The following PTPRT variants were observed in gnomAD, a reference collection of about 807,000 sequenced individuals.
The protein encoded by PTPRT is protein tyrosine phosphatase receptor type T.
In PTPRT, 56 loss-of-function variants were observed where a neutral mutation model predicts 176.8. The ratio of observed to expected loss-of-function variants is 0.32; its 90% confidence interval spans 0.26 to 0.40. The LOEUF (loss-of-function observed/expected upper bound fraction) is 0.40, where lower values mean the gene tolerates loss of function less well. Among genes scored for constraint, PTPRT ranks in the 10% least tolerant of loss-of-function variants. The pLI, the probability that PTPRT is intolerant of heterozygous loss-of-function variation, is 1.00. For missense variants in PTPRT, 1,540 were observed against 1,908.2 expected (o/e 0.81, Z 3.60); for synonymous variants, 783 against 739.0 (o/e 1.06, Z -0.96).
At chr20:42,629,708 G>A (rs1350080928) in intron 7 of PTPRT, among the ~76,000 whole-genome samples, 1 of 152,176 alleles carries the variant, frequency 6.6e-6, no homozygotes, top group African/African-American at 2.4e-5. Context: ...TATGAAGGAA[G>A]CAATGACTTA....
At chr20:42,717,371 C>G (rs1478002615) in intron 6 of PTPRT, among the ~76,000 whole-genome samples, 1 of 151,812 alleles carries the variant, frequency 6.6e-6, no homozygotes, top group African/African-American at 2.4e-5. Flanking sequence ...ATGCAGACAC[C>G]TGATATATTA....
At chr20:42,563,237 C>T (rs1758237006) in intron 7 of PTPRT, among the ~76,000 whole-genome samples, 1 of 151,952 alleles carries the variant, frequency 6.6e-6, no homozygotes, top group Admixed American at 6.6e-5. Context: ...GAAAAAAATG[C>T]ATAAAGAAGT....
chr20:42,876,731 G>A (rs1023009967), intron 2 of PTPRT, among the ~76,000 whole-genome samples: 5 of 152,142 alleles, frequency 3.3e-5, no homozygotes, highest in Non-Finnish European at 7.3e-5. Flanking sequence ...CAATAATTCA[G>A]TTATTTTTAA....
intron 9 of PTPRT, among the ~76,000 whole-genome samples, chr20:42,422,110 G>T (rs1208461604): frequency 6.6e-6 from 1 of 152,096 alleles, no homozygotes; most frequent in Non-Finnish European, 1.5e-5. Context: ...TCTGGATGAC[G>T]ACCTAACCAA....
At chr20:43,050,413 A>G (rs1986997438) in intron 1 of PTPRT, among the ~76,000 whole-genome samples, 1 of 152,194 alleles carries the variant, frequency 6.6e-6, no homozygotes, top group East Asian at 1.9e-4. Flanking sequence ...AAAGGCCCGG[A>G]TTGGTGCTGA....
At chr20:42,698,775 C>A (rs2075925190) in intron 6 of PTPRT, among the ~76,000 whole-genome samples, 1 of 152,110 alleles carries the variant, frequency 6.6e-6, no homozygotes, top group African/African-American at 2.4e-5. Flanking sequence ...TCCCCAACCG[C>A]CCGGGTCTTT....
At chr20:42,700,842 T>A (rs1489965479) in intron 6 of PTPRT, among the ~76,000 whole-genome samples, 1 of 152,108 alleles carries the variant, frequency 6.6e-6, no homozygotes, top group Non-Finnish European at 1.5e-5. Flanking sequence ...AGGAGCGTAA[T>A]GTTAAAGTAA....
chr20:42,946,199 G>A (rs963314617), intron 1 of PTPRT, among the ~76,000 whole-genome samples: 1 of 152,082 alleles, frequency 6.6e-6, no homozygotes, highest in African/African-American at 2.4e-5. Flanking sequence ...CATTGCACCT[G>A]GAAATTTTCT....
At chr20:42,774,057 T>C (rs1204740319) in intron 4 of PTPRT, among the ~76,000 whole-genome samples, 1 of 152,174 alleles carries the variant, frequency 6.6e-6, no homozygotes, top group African/African-American at 2.4e-5. Flanking sequence ...CTAGGTTCAG[T>C]GGTAGAGAGT....
intron 7 of PTPRT, among the ~76,000 whole-genome samples, chr20:42,619,957 C>T (rs923652151): frequency 1.3e-5 from 2 of 149,242 alleles, no homozygotes; most frequent in African/African-American, 5.1e-5. Flanking sequence ...AGTCATTCTG[C>T]ATCCAGCTTT....
chr20:42,720,151 T>C (rs2076283642), intron 6 of PTPRT, among the ~76,000 whole-genome samples: 1 of 152,240 alleles, frequency 6.6e-6, no homozygotes, highest in Non-Finnish European at 1.5e-5. Context: ...CTTGAGGAGA[T>C]AACAGTTCCA....
At chr20:42,818,501 G>A (rs2077831796) in intron 2 of PTPRT, among the ~76,000 whole-genome samples, 2 of 152,182 alleles carry the variant, frequency 1.3e-5, no homozygotes, top group Admixed American at 6.5e-5. Context: ...CGACTGCAAC[G>A]TCGTTCCATC....
In PTPRT at chr20:43,189,748, G is replaced by A. The variant is rs1454443014; in HGVS notation, c.-15C>T. On this transcript the variant is annotated 5_prime_UTR_variant, in exon 1 of 31. Transcript: ENST00000373187. This position sits in a 1 kb window ranked among gnomAD's most constrained non-coding sequence, Gnocchi z 5.0. ...AGGCTCGCCATCCGGGCGGCGGCGG[G>A]CAGCTCAGCCCCTTCCCGCGGGGGC... 2 of 1,219,162 alleles carry A rather than the reference G, an allele frequency of 1.6e-6. No individual in the cohort carries two copies. The highest frequency in any genetic ancestry group is 2.0e-6 in the Non-Finnish European group (2 of 980,430). The allele number at this position is 1,219,162 out of a possible 1,614,324, so 75.5% of individuals were successfully genotyped here.
chr20:42,206,622 G>A (rs2055472060), intron 15 of PTPRT, among the ~76,000 whole-genome samples: 1 of 152,226 alleles, frequency 6.6e-6, no homozygotes, highest in African/African-American at 2.4e-5. Flanking sequence ...CACCTGGCTT[G>A]GAGGGTCCTA....
At chr20:42,441,773 G>A (rs747256470) in intron 9 of PTPRT, among the ~76,000 whole-genome samples, 30 of 152,296 alleles carry the variant, frequency 2.0e-4, no homozygotes, top group Middle Eastern at 3.4e-3. Context: ...AACGGATGAC[G>A]CTCTCATTTC....
intron 2 of PTPRT, among the ~76,000 whole-genome samples, chr20:42,840,392 T>C (rs927173382): frequency 6.6e-6 from 1 of 152,142 alleles, no homozygotes; most frequent in African/African-American, 2.4e-5. Context: ...AACACATCTT[T>C]TTTGTTTTTT....
intron 11 of PTPRT, among the ~76,000 whole-genome samples, chr20:42,334,896 C>T (rs2058019369): frequency 6.6e-6 from 1 of 152,172 alleles, no homozygotes; most frequent in Non-Finnish European, 1.5e-5. Context: ...AATTAATGTA[C>T]TCCATTTACC....
At chr20:42,579,475 A>T (rs1486600314) in intron 7 of PTPRT, among the ~76,000 whole-genome samples, 2 of 152,162 alleles carry the variant, frequency 1.3e-5, no homozygotes, top group Non-Finnish European at 2.9e-5. Context: ...ATCCCTGAGG[A>T]ATCACCACAC....
intron 1 of PTPRT, among the ~76,000 whole-genome samples, chr20:42,981,896 A>C (rs1983302650): frequency 6.6e-6 from 1 of 152,138 alleles, no homozygotes; most frequent in Non-Finnish European, 1.5e-5. Flanking sequence ...AGCACTAGCA[A>C]AACAGTCACC....
Sources: gnomAD v4.1 joint callset for allele counts (sites outside exome capture counted in the v4.1 genomes callset) on GRCh38, gnomAD v4.1.1 for gene constraint, Gnocchi (gnomAD v3.1) non-coding constraint, MANE v1.5 for transcripts, NCBI Gene and HGNC (gene_info 2026-07-23, HGNC 2026-07-21) for gene names.